CDH11: variants seen among roughly 807,000 people sequenced by gnomAD.
The protein encoded by CDH11 is cadherin-11.
In CDH11, 11 loss-of-function variants were observed where a neutral mutation model predicts 67.8. The observed-to-expected ratio is 0.16, with a 90% CI of 0.10 to 0.27. The LOEUF is 0.27. CDH11 is among the 10% of genes least tolerant of loss of function. The pLI is 1.00. For synonymous variants in CDH11, 419 were observed against 400.0 expected (o/e 1.05, Z -0.57); for missense variants, 847 against 1,031.2 (o/e 0.82, Z 2.45).
At chr16:65,042,540 G>A (rs775993193) in intron 2 of CDH11, among the ~76,000 whole-genome samples, 46 of 152,162 alleles carry the variant, frequency 3.0e-4, no homozygotes, top group Non-Finnish European at 4.9e-4. Flanking sequence ...GAGCAGATGC[G>A]CAAAGAGAGA....
chr16:65,105,844 T>C (rs2075058078), intron 1 of CDH11, among the ~76,000 whole-genome samples: 1 of 152,176 alleles, frequency 6.6e-6, no homozygotes, highest in Non-Finnish European at 1.5e-5. Flanking sequence ...CTATAGATAA[T>C]ATCAATATTT....
chr16:65,022,867 G>A (rs1053802814), intron 2 of CDH11, among the ~76,000 whole-genome samples: 3 of 152,228 alleles, frequency 2.0e-5, no homozygotes, highest in Middle Eastern at 6.8e-3. Context: ...AACCCCAAAG[G>A]CACAAGACCT....
chr16:64,983,757 G>A (rs1295021865), intron 7 of CDH11, among the ~76,000 whole-genome samples: 2 of 152,158 alleles, frequency 1.3e-5, no homozygotes, highest in African/African-American at 4.8e-5. Flanking sequence ...CTGAGCAGCA[G>A]AAAGGAATGA....
In CDH11 at chr16:65,005,011, C is replaced by T. The variant is rs556226480; in HGVS notation, c.-142G>A. 71 of 1,387,598 alleles carry T rather than the reference C, an allele frequency of 5.1e-5. No individual in the cohort carries two copies. The Admixed American group carries it at 1.1e-3, about 22-fold the overall frequency. The allele number at this position is 1,387,598 out of a possible 1,614,324, so 86.0% of individuals were successfully genotyped here. ...ATGTCTCTGCTGGTTGAGCTCATCA[C>T]GTCAGGGCTGCCCACGTCCCCAGTT... On this transcript the variant is annotated 5_prime_UTR_variant, in exon 3 of 13. The change creates a new upstream start codon in the 5' untranslated region. Coordinates refer to ENST00000268603, the MANE Select transcript of CDH11 (RefSeq NM_001797.4).
In CDH11 at chr16:64,998,504, C is replaced by G. The variant is rs540647770; in HGVS notation, c.523+58G>C. ...TGATTTGGGAGAACGGGCTTCAGCC[C>G]ACCCACCACAGAGACACCAGGCCTG... On this transcript the variant is annotated intron_variant, in intron 4 of 12. Transcript: ENST00000268603. 5 of 1,531,444 alleles carry G rather than the reference C, an allele frequency of 3.3e-6. No homozygotes were observed. The East Asian group carries it at 1.1e-4, about 35-fold the overall frequency. The allele number at this position is 1,531,444 out of a possible 1,614,324, so 94.9% of individuals were successfully genotyped here.
At chr16:65,123,176 T>C (rs12933674), upstream of CDH11, among the ~76,000 whole-genome samples, 86,511 of 151,812 alleles carry the variant, frequency 0.57, 25,755 homozygotes, top group East Asian at 0.75. Context: ...GGCGTGGGGA[T>C]CCGCACACCC....
At chr16:64,969,656 T>C (rs1373033012) in intron 11 of CDH11, among the ~76,000 whole-genome samples, 1 of 152,144 alleles carries the variant, frequency 6.6e-6, no homozygotes, top group Non-Finnish European at 1.5e-5. Flanking sequence ...GGAAACAAAT[T>C]TGAGAATGCA....
intron 7 of CDH11, chr16:64,987,211 C>A (rs189907207): frequency 6.6e-6 from 1 of 152,056 alleles, no homozygotes; most frequent in Non-Finnish European, 1.5e-5. Context: ...TTAGAATGTA[C>A]GGGAATTATT....
At chr16:64,966,112 A>C (rs1399297728) in intron 11 of CDH11, among the ~76,000 whole-genome samples, 1 of 152,152 alleles carries the variant, frequency 6.6e-6, no homozygotes, top group East Asian at 1.9e-4. Context: ...GATAGAAAAT[A>C]TTATTTAAAA....
chr16:65,090,895 T>C (rs1193757844), intron 1 of CDH11, among the ~76,000 whole-genome samples: 1 of 152,222 alleles, frequency 6.6e-6, no homozygotes. Flanking sequence ...GGTTTGGAGA[T>C]ATTTTAAGTG....
chr16:65,038,556 CACTT>C (rs1233566438), intron 2 of CDH11, among the ~76,000 whole-genome samples: 1 of 152,150 alleles, frequency 6.6e-6, no homozygotes, highest in East Asian at 1.9e-4. Context: ...AAAGAAACAG[CACTT>C]ACTTCTATAT....
rs549061255 is a variant in CDH11 at position 64,954,575 on chromosome 16, C to T, written c.1643-3557G>A. ...AAACTTAACACACATTACTGAGATCCTCCAGGGCTGGTGAGCTGGTAAAGG... is the reference window on the plus strand; with the variant it reads ...AAACTTAACACACATTACTGAGATCTTCCAGGGCTGGTGAGCTGGTAAAGG... On this transcript the variant is annotated intron_variant, in intron 11 of 12. Coordinates refer to ENST00000268603, the MANE Select transcript of CDH11 (RefSeq NM_001797.4). Among the ~76,000 whole-genome samples the T allele has an allele frequency of 2.6e-5, 4 of 152,258 alleles. No individual in the cohort carries two copies. In the South Asian group the frequency reaches 8.3e-4, roughly 32 times the overall value.
intron 11 of CDH11, among the ~76,000 whole-genome samples, chr16:64,955,546 C>G (rs940270418): frequency 6.6e-6 from 1 of 152,122 alleles, no homozygotes; most frequent in Non-Finnish European, 1.5e-5. Flanking sequence ...CTAGACCAGC[C>G]TGGGCAACAT....
chr16:64,945,956 T>C lies in CDH11; in HGVS notation c.*1647A>G, dbSNP rs555169310. ...ACTTTATGTGGTCTTTCCCCAAGTATTGCTACGTTTTGACCTTTGGCCCAA... is the reference window on the plus strand; with the variant it reads ...ACTTTATGTGGTCTTTCCCCAAGTACTGCTACGTTTTGACCTTTGGCCCAA... On this transcript the variant is annotated 3_prime_UTR_variant, in exon 13 of 13. Coordinates refer to ENST00000268603, the MANE Select transcript of CDH11 (RefSeq NM_001797.4). 9.5e-7 allele frequency: 1 copy of C among 1,057,864 alleles called. No homozygotes were observed. Among genetic ancestry groups the C allele is most frequent in the South Asian group, 4.6e-5 (1 of 21,898 alleles). The allele number at this position is 1,057,864 out of a possible 1,614,324, so 65.5% of individuals were successfully genotyped here.
Position 64,982,157 on chromosome 16 carries a change from T to A in CDH11, c.1144A>T (p.Met382Leu). ...TGGATGTAACTTGGGGCCAAGAACATAGGGGGCTCATCAGCATCTTCTACT... is the reference window on the plus strand; with the variant it reads ...TGGATGTAACTTGGGGCCAAGAACAAAGGGGGCTCATCAGCATCTTCTACT... ...ISVEDADEPP[M>L]FLAPSYIHEV... is the part of the protein sequence containing the mutation. The change falls in exon 8 of 13, where the codon ATG (methionine) becomes TTG (leucine). Residue 382 changes from methionine to leucine, a missense_variant. Met to Leu is a conservative substitution (Grantham distance 15). Around this residue, in one of 2 missense-constraint regions of CDH11, gnomAD observed 612 missense variants for 678.7 expected, o/e 0.90. Coordinates refer to ENST00000268603, the MANE Select transcript of CDH11 (RefSeq NM_001797.4). The A allele has an allele frequency of 3.1e-6, 5 of 1,614,016 alleles. No homozygotes were observed. The highest frequency in any genetic ancestry group is 3.4e-6 in the Non-Finnish European group (4 of 1,179,954).
Position 64,945,576 on chromosome 16 carries a change from A to C in CDH11, c.*2027T>G. On this transcript the variant is annotated 3_prime_UTR_variant, in exon 13 of 13. Transcript: ENST00000268603. The stretch of plus-strand genomic sequence containing the variant: ...TCTAGCAAAATATTCTTTGGATTAC[A>C]AAAACTATATAAAAAAATGAACACA... 3 of 1,029,536 alleles carry C rather than the reference A, an allele frequency of 2.9e-6. No homozygotes were observed. Among genetic ancestry groups the C allele is most frequent in the Non-Finnish European group, 3.5e-6 (3 of 856,070 alleles). The allele number at this position is 1,029,536 out of a possible 1,614,324, so 63.8% of individuals were successfully genotyped here.
chr16:65,032,128 T>C (rs1169247062), intron 2 of CDH11, among the ~76,000 whole-genome samples: 4 of 151,874 alleles, frequency 2.6e-5, no homozygotes, highest in African/African-American at 9.7e-5. Context: ...AGACCTTGAG[T>C]TAGAAACAGG....
rs117219013 is a variant in CDH11, at chr16:64,985,356, T to A, written c.999+2801A>T. 5 of 152,316 alleles carry A rather than the reference T, an allele frequency of 3.3e-5. No individual in the cohort carries two copies. The East Asian group carries it at 9.7e-4, about 29-fold the overall frequency. 9.4% of individuals were successfully genotyped at this position (152,316 alleles called of 1,614,324 possible). On this transcript the variant is annotated intron_variant, in intron 7 of 12. Transcript: ENST00000268603. ...TCACTACCTCTTCTACCTTCTTCAATTCTTTGTAACATCTCCCTTGAATTT... is the reference window on the plus strand; with the variant it reads ...TCACTACCTCTTCTACCTTCTTCAAATCTTTGTAACATCTCCCTTGAATTT...
intron 8 of CDH11, among the ~76,000 whole-genome samples, 176 bp from the exon 9 acceptor site, chr16:64,973,216 T>C (rs1414743791): frequency 6.6e-6 from 1 of 152,202 alleles, no homozygotes; most frequent in Non-Finnish European, 1.5e-5. Flanking sequence ...TAGAAATAAC[T>C]TTGCCACATT....
Sources: gnomAD v4.1 joint callset for allele counts (sites outside exome capture counted in the v4.1 genomes callset) on GRCh38, gnomAD v4.1.1 for gene constraint, gnomAD v4.1.1 regional missense constraint, MANE v1.5 for transcripts, NCBI Gene and HGNC (gene_info 2026-07-23, HGNC 2026-07-21) for gene names.